The following KCNK2 variants were observed in gnomAD, a reference collection of about 807,000 sequenced individuals.
The protein encoded by KCNK2 is potassium two pore domain channel subfamily K member 2, also known as potassium channel subfamily K member 2.
Under a neutral mutation model 40.5 loss-of-function variants are expected in KCNK2, and 21 were observed. The ratio of observed to expected loss-of-function variants is 0.52; its 90% confidence interval spans 0.37 to 0.75. The LOEUF (loss-of-function observed/expected upper bound fraction) is 0.75. KCNK2 is among the 30% of genes least tolerant of loss of function. The pLI is 0.00. For synonymous variants in KCNK2, 191 were observed against 202.2 expected (o/e 0.94, Z 0.47); for missense variants, 399 against 531.6 (o/e 0.75, Z 2.45).
chr1:215,106,251 G>A (rs963805714), intron 2 of KCNK2, among the ~76,000 whole-genome samples: 2 of 151,972 alleles, frequency 1.3e-5, no homozygotes, highest in Non-Finnish European at 2.9e-5. Flanking sequence ...GCCAACACCT[G>A]TCATTTTTTT....
chr1:215,116,185 A>G (rs934348485), intron 2 of KCNK2, among the ~76,000 whole-genome samples: 2 of 152,088 alleles, frequency 1.3e-5, no homozygotes, highest in East Asian at 3.8e-4. Flanking sequence ...GAAGTCCTTA[A>G]AAATGATAGC....
intron 6 of KCNK2, among the ~76,000 whole-genome samples, chr1:215,203,464 C>T (rs1665164136): frequency 2.6e-5 from 4 of 151,960 alleles, no homozygotes; most frequent in Admixed American, 2.0e-4. Flanking sequence ...TTGTTTCTTT[C>T]CACATGGGTT....
At chr1:215,059,574 C>A (rs1658298581) in intron 1 of KCNK2, among the ~76,000 whole-genome samples, 1 of 152,020 alleles carries the variant, frequency 6.6e-6, no homozygotes, top group Admixed American at 6.5e-5. Context: ...GTATCCATCG[C>A]CTTGGGGTGA....
Position 215,124,686 on chromosome 1 carries a change from T to G in KCNK2, c.411T>G (p.Asn137Lys). ...AGIIPLGNTS[N>K]QISHWDLGSS... Reference sequence around the variant, plus strand: ...TTATACCGTTAGGAAACACCTCCAATCAAATCAGTCACTGGGATTTGGGAA... The same window carrying G: ...TTATACCGTTAGGAAACACCTCCAAGCAAATCAGTCACTGGGATTTGGGAA... Residue 137 changes from asparagine to lysine, a missense_variant, in exon 3 of 7, where the codon AAT becomes AAG. By Grantham distance (94) the Asn-to-Lys change is moderately conservative. Transcript: ENST00000444842. 6.2e-7 allele frequency: 1 copy of G among 1,613,266 alleles called. No homozygotes were observed. The highest frequency in any genetic ancestry group is 8.5e-7 in the Non-Finnish European group (1 of 1,179,326).
chr1:215,157,435 C>T (rs1474449688), intron 3 of KCNK2, among the ~76,000 whole-genome samples: 1 of 152,204 alleles, frequency 6.6e-6, no homozygotes, highest in Non-Finnish European at 1.5e-5. Flanking sequence ...TCCCCACCTC[C>T]TTGAAGATTA....
intron 5 of KCNK2, among the ~76,000 whole-genome samples, chr1:215,189,045 A>G (rs1664561223): frequency 1.3e-5 from 2 of 152,098 alleles, no homozygotes. Context: ...TCTTCCTGCT[A>G]TTTGCTCTGT....
chr1:215,007,037 A>ATATGTGTGTG lies in KCNK2; in HGVS notation c.34+1083_34+1084insATGTGTGTGT, dbSNP rs1330420661. On this transcript the variant is annotated intron_variant, in intron 1 of 6. Transcript: ENST00000391895. ...TATATATATATATATATATATATATATGTGTGTGTGTGTATATATATATGT... is the reference window on the plus strand; with the variant it reads ...TATATATATATATATATATATATATATATGTGTGTGTGTGTGTGTGTGTATATATATATGT... Among the ~76,000 whole-genome samples the ATATGTGTGTG allele has an allele frequency of 5.1e-3, 261 of 51,304 alleles. 3 individuals are homozygous for ATATGTGTGTG. Among genetic ancestry groups the ATATGTGTGTG allele is most frequent in the African/African-American group, 0.015 (240 of 15,880 alleles). 33.7% of individuals were successfully genotyped at this position (51,304 alleles called of 152,430 possible). A position where few individuals can be genotyped will look rare whatever the true frequency, so the allele number is the denominator to read the frequency against.
At chr1:215,080,950 G>A (rs986998028), upstream of KCNK2, among the ~76,000 whole-genome samples, 2 of 152,200 alleles carry the variant, frequency 1.3e-5, no homozygotes, top group Non-Finnish European at 2.9e-5. Flanking sequence ...GATTGCTCTA[G>A]GTAATGCTGG....
intron 1 of KCNK2, among the ~76,000 whole-genome samples, chr1:215,013,611 C>T (rs1005187706): frequency 6.6e-6 from 1 of 152,090 alleles, no homozygotes; most frequent in African/African-American, 2.4e-5. Flanking sequence ...TTTGATTTCT[C>T]TTTGAACACC....
In KCNK2 at chr1:215,072,408, G is replaced by C. The variant is rs184998017; in HGVS notation, c.35-13960G>C. 5.3e-5 allele frequency among the ~76,000 whole-genome samples: 8 copies of C among 152,338 alleles called. 1 individual carries two copies. Among genetic ancestry groups the C allele is most frequent in the Non-Finnish European group, 4.4e-5 (3 of 68,028 alleles). On this transcript the variant is annotated intron_variant, in intron 1 of 6. Coordinates refer to the KCNK2 transcript ENST00000391895. ...AGAAGCTGCAACCAGGAGAACTTAAGACCATGTTTAGCCTGCAAACACATT... is the reference window on the plus strand; with the variant it reads ...AGAAGCTGCAACCAGGAGAACTTAACACCATGTTTAGCCTGCAAACACATT...
At chr1:215,199,337 A>C (rs890160065) in intron 6 of KCNK2, among the ~76,000 whole-genome samples, 1 of 152,152 alleles carries the variant, frequency 6.6e-6, no homozygotes, top group Admixed American at 6.5e-5. Flanking sequence ...ATAAAAAATA[A>C]AATAAATTCT....
chr1:215,084,194 A>ACACACACG (rs1431095464), intron 1 of KCNK2, among the ~76,000 whole-genome samples: 1 of 123,470 alleles, frequency 8.1e-6, no homozygotes, highest in African/African-American at 3.3e-5. Flanking sequence ...ACACACACAC[A>ACACACACG]CACACACACA....
chr1:215,190,684 A>G (rs1178998749), intron 5 of KCNK2, among the ~76,000 whole-genome samples: 1 of 152,178 alleles, frequency 6.6e-6, no homozygotes, highest in African/African-American at 2.4e-5. Context: ...CAATTGGATC[A>G]TCAGCTTTAT....
At chr1:215,148,073 T>A (rs1662506546) in intron 3 of KCNK2, among the ~76,000 whole-genome samples, 1 of 92,558 alleles carries the variant, frequency 1.1e-5, no homozygotes. Flanking sequence ...TTTTTTATTT[T>A]CTTTTCCTTT....
At chr1:215,073,902 C>T (rs1658843067) in intron 1 of KCNK2, among the ~76,000 whole-genome samples, 1 of 152,026 alleles carries the variant, frequency 6.6e-6, no homozygotes, top group Non-Finnish European at 1.5e-5. Context: ...CCTGGGATGC[C>T]TTTAGGGATG....
chr1:215,086,321 C>A (rs778593017), intron 1 of KCNK2, 47 bp from the exon 2 acceptor site: 2 of 1,476,120 alleles, frequency 1.4e-6, no homozygotes, highest in African/African-American at 1.4e-5. Context: ...CCGACCAATT[C>A]CCTTCTCATC....
intron 2 of KCNK2, among the ~76,000 whole-genome samples, chr1:215,112,022 C>T (rs1019285069): frequency 2.0e-5 from 3 of 151,720 alleles, no homozygotes; most frequent in Non-Finnish European, 4.4e-5. Flanking sequence ...TTTTCAGGGG[C>T]TTGTAATCTC....
chr1:215,042,908 A>C (rs183144780), intron 1 of KCNK2, among the ~76,000 whole-genome samples: 18 of 152,314 alleles, frequency 1.2e-4, no homozygotes, highest in African/African-American at 3.8e-4. Context: ...ACAAAATGCC[A>C]ATGTATCCTT....
At chr1:215,039,066 T>G (rs1223164998) in intron 1 of KCNK2, among the ~76,000 whole-genome samples, 1 of 152,130 alleles carries the variant, frequency 6.6e-6, no homozygotes, top group Non-Finnish European at 1.5e-5. Context: ...GTGCCTACTA[T>G]TTGTACCTGA....
Sources: allele counts gnomAD v4.1 joint callset (sites outside exome capture counted in the v4.1 genomes callset), GRCh38; gene constraint gnomAD v4.1.1; transcripts MANE v1.5; gene names NCBI Gene and HGNC (gene_info 2026-07-23, HGNC 2026-07-21).